TUSC3: variants seen among roughly 807,000 people sequenced by gnomAD.
TUSC3 encodes the protein tumor suppressor candidate 3.
In TUSC3, 45 loss-of-function variants were observed where a neutral mutation model predicts 44.8. That is an observed-to-expected ratio of 1.00 (90% confidence interval 0.79 to 1.29). The LOEUF (loss-of-function observed/expected upper bound fraction) is 1.29, where lower values mean the gene tolerates loss of function less well. Among genes scored for constraint, TUSC3 ranks in the 50% most tolerant of loss-of-function variants. The pLI is 0.00. For missense variants in TUSC3, 519 were observed against 437.9 expected (o/e 1.19, Z -1.65); for synonymous variants, 212 against 152.9 (o/e 1.39, Z -2.85).
chr8:15,816,337 A>G, the TUSC3 span, among the ~76,000 whole-genome samples: 2 of 152,318 alleles, frequency 1.3e-5, no homozygotes, highest in East Asian at 3.9e-4. Flanking sequence ...GTATTAAAAT[A>G]CTGAGGAAAT....
intron 6 of TUSC3, among the ~76,000 whole-genome samples, chr8:15,692,369 C>G (rs865822304): frequency 1.0e-3 from 53 of 52,560 alleles, no homozygotes; most frequent in South Asian, 2.3e-3. Context: ...CCCCCCCCCC[C>G]CCTTTGTTTT....
At chr8:15,428,839 T>C (rs1799837035) in intron 1 of TUSC3, among the ~76,000 whole-genome samples, 1 of 152,214 alleles carries the variant, frequency 6.6e-6, no homozygotes, top group South Asian at 2.1e-4. Flanking sequence ...CTTGTAAATT[T>C]GTTTGAGTTC....
chr8:15,652,675 A>G (rs1806965841), intron 3 of TUSC3, among the ~76,000 whole-genome samples: 3 of 152,312 alleles, frequency 2.0e-5, no homozygotes, highest in South Asian at 4.1e-4. Flanking sequence ...ATTATTTCAT[A>G]TAAGTAATAG....
rs572414382 is a variant in TUSC3 at position 15,652,249 on chromosome 8, G to A, written c.426+1435G>A. Reference sequence around the variant, plus strand: ...ATAATGCTTACCAGGTCATGGAAAAGCATGCAGTTCTGTAAAGAATCTAGC... The same window carrying A: ...ATAATGCTTACCAGGTCATGGAAAAACATGCAGTTCTGTAAAGAATCTAGC... On this transcript the variant is annotated intron_variant, in intron 3 of 10. Transcript: ENST00000503731. Among the ~76,000 whole-genome samples, 329 of 152,280 alleles carry A rather than the reference G, an allele frequency of 2.2e-3. 12 individuals carry two copies. The South Asian group carries it at 0.067, about 31-fold the overall frequency.
intron 1 of TUSC3, among the ~76,000 whole-genome samples, chr8:15,479,120 A>C (rs1337422783): frequency 1.3e-5 from 2 of 151,920 alleles, no homozygotes; most frequent in African/African-American, 4.8e-5. Context: ...CCTGCTTTTT[A>C]ATGGGGTTGT....
chr8:15,748,067 A>G (rs1413814051), intron 8 of TUSC3, among the ~76,000 whole-genome samples: 1 of 152,132 alleles, frequency 6.6e-6, no homozygotes, highest in Non-Finnish European at 1.5e-5. Context: ...GGGGCATGTT[A>G]GTACTTGTAA....
At chr8:15,677,230 A>G (rs1808230761) in intron 6 of TUSC3, among the ~76,000 whole-genome samples, 1 of 151,728 alleles carries the variant, frequency 6.6e-6, no homozygotes, top group South Asian at 2.1e-4. Context: ...GAACTCCTGG[A>G]CTCAAGCAGC....
chr8:15,657,114 G>T (rs1306610457), intron 3 of TUSC3, among the ~76,000 whole-genome samples: 1 of 152,130 alleles, frequency 6.6e-6, no homozygotes, highest in African/African-American at 2.4e-5. Context: ...TTCTTGATGA[G>T]TAATACCTGG....
At chr8:15,820,293 G>A in the TUSC3 span, among the ~76,000 whole-genome samples, 5 of 147,528 alleles carry the variant, frequency 3.4e-5, no homozygotes, top group East Asian at 8.1e-4. Flanking sequence ...ATTCATGAAA[G>A]ATATTGATCT....
the TUSC3 span, among the ~76,000 whole-genome samples, chr8:15,838,786 A>G: frequency 6.6e-6 from 1 of 152,128 alleles, no homozygotes; most frequent in Admixed American, 6.5e-5. Flanking sequence ...GAAATCAGGT[A>G]GCGTGATGAC....
intron 1 of TUSC3, among the ~76,000 whole-genome samples, chr8:15,436,705 T>A (rs982548808): frequency 5.3e-5 from 8 of 152,014 alleles, no homozygotes; most frequent in Admixed American, 5.2e-4. Context: ...ACAAAAAAAA[T>A]ACACATTTCA....
At chr8:15,711,774 T>C (rs1395354985) in intron 6 of TUSC3, among the ~76,000 whole-genome samples, 2 of 152,056 alleles carry the variant, frequency 1.3e-5, no homozygotes, top group East Asian at 3.9e-4. Flanking sequence ...AAATATATTT[T>C]ACCTGTATAT....
At chr8:15,671,963 G>C (rs1385966931) in intron 5 of TUSC3, among the ~76,000 whole-genome samples, 1 of 151,800 alleles carries the variant, frequency 6.6e-6, no homozygotes, top group Non-Finnish European at 1.5e-5. Context: ...ATACAATAGT[G>C]CCTCCAGTAA....
chr8:15,685,577 A>G (rs1238516485), intron 6 of TUSC3, among the ~76,000 whole-genome samples: 1 of 151,994 alleles, frequency 6.6e-6, no homozygotes, highest in Non-Finnish European at 1.5e-5. Flanking sequence ...TGTGTTTTGA[A>G]TTGTATTTTT....
intron 6 of TUSC3, among the ~76,000 whole-genome samples, chr8:15,679,787 G>A (rs1001111895): frequency 3.3e-5 from 5 of 152,094 alleles, no homozygotes; most frequent in African/African-American, 9.6e-5. Flanking sequence ...GCTAGGGATC[G>A]AGTTTCATTC....
At chr8:15,490,389 C>T (rs964466088) in intron 2 of TUSC3, among the ~76,000 whole-genome samples, 2 of 152,108 alleles carry the variant, frequency 1.3e-5, no homozygotes, top group African/African-American at 4.8e-5. Flanking sequence ...AGGAGAAACA[C>T]CCTAACTTTC....
At chr8:15,713,975 C>T (rs143752546) in intron 6 of TUSC3, among the ~76,000 whole-genome samples, 37 of 152,140 alleles carry the variant, frequency 2.4e-4, no homozygotes, top group African/African-American at 8.2e-4. Flanking sequence ...ATACCACTTG[C>T]TTGTTAATGG....
At chr8:15,621,642 TATAG>T (rs1805250974) in intron 1 of TUSC3, among the ~76,000 whole-genome samples, 1 of 148,280 alleles carries the variant, frequency 6.7e-6, no homozygotes. Flanking sequence ...GATAAATCTA[TATAG>T]ATAAATCTAT....
At chr8:15,807,230 C>A in the TUSC3 span, 2 of 674,134 alleles carry the variant, frequency 3.0e-6, no homozygotes, top group Non-Finnish European at 2.7e-6. Flanking sequence ...ACTAATTACC[C>A]CACCCCCAGG....
Sources: allele counts gnomAD v4.1 joint callset (sites outside exome capture counted in the v4.1 genomes callset), GRCh38; gene constraint gnomAD v4.1.1; transcripts MANE v1.5; gene names NCBI Gene and HGNC (gene_info 2026-07-23, HGNC 2026-07-21).